Variants in L3MBTL4 observed in about 807,000 individuals in gnomAD.
The protein encoded by L3MBTL4 is L3MBTL histone methyl-lysine binding protein 4.
Under a neutral mutation model 84.5 loss-of-function variants are expected in L3MBTL4, and 70 were observed. The ratio of observed to expected loss-of-function variants is 0.83; its 90% CI spans 0.68 to 1.01. The LOEUF is 1.01. Ranked by LOEUF, L3MBTL4 falls within the 50% of genes least tolerant of loss-of-function variation. L3MBTL4 has a pLI of 0.00. For missense variants in L3MBTL4, 715 were observed against 754.8 expected, an observed-to-expected ratio of 0.95 and a Z score of 0.62; for synonymous variants, 274 against 259.8, an observed-to-expected ratio of 1.05 and a Z score of -0.52.
At chr18:6,041,390 C>G (rs1241280949) in intron 16 of L3MBTL4, among the ~76,000 whole-genome samples, 1 of 147,280 alleles carries the variant, frequency 6.8e-6, no homozygotes, top group Admixed American at 6.6e-5. Flanking sequence ...AATGGACTGG[C>G]CCCCCCTAAT....
Position 6,270,585 on chromosome 18 carries a change from A to T in L3MBTL4, c.128-6547T>A, listed in dbSNP as rs377265667. ...AGGAGGATTTACTCTGAACACAGAAAGCTCCCCGGAGGACAATTCTCTTTG... is the reference window on the plus strand; with the variant it reads ...AGGAGGATTTACTCTGAACACAGAATGCTCCCCGGAGGACAATTCTCTTTG... On this transcript the variant is annotated intron_variant, in intron 4 of 18. Transcript: ENST00000317931. Among the ~76,000 whole-genome samples, 3 of 152,220 alleles carry T rather than the reference A, an allele frequency of 2.0e-5. No homozygotes were observed. The East Asian group carries it at 5.8e-4, about 29-fold the overall frequency.
At chr18:5,984,338 T>G (rs1291268658) in intron 16 of L3MBTL4, among the ~76,000 whole-genome samples, 1 of 152,260 alleles carries the variant, frequency 6.6e-6, no homozygotes, top group Non-Finnish European at 1.5e-5. Context: ...TGAATCCCAT[T>G]ATTGAGCCAT....
At chr18:6,031,460 G>A in intron 16 of L3MBTL4, 1 of 985,426 alleles carries the variant, frequency 1.0e-6, no homozygotes, top group Non-Finnish European at 1.2e-6. Context: ...TTTGCCTCTT[G>A]AGAAATTCAG....
chr18:5,999,492 G>C (rs1275788810), intron 16 of L3MBTL4, among the ~76,000 whole-genome samples: 1 of 152,160 alleles, frequency 6.6e-6, no homozygotes, highest in African/African-American at 2.4e-5. Flanking sequence ...TCATAAAAAT[G>C]TGTTGAATGG....
intron 1 of L3MBTL4, among the ~76,000 whole-genome samples, chr18:6,335,406 G>C (rs936712879): frequency 6.6e-6 from 1 of 152,008 alleles, no homozygotes; most frequent in Non-Finnish European, 1.5e-5. Context: ...TGCTCTTTTA[G>C]AGATAAAAAT....
At chr18:6,030,772 G>A in intron 16 of L3MBTL4, 1 of 983,008 alleles carries the variant, frequency 1.0e-6, no homozygotes, top group Non-Finnish European at 1.2e-6. Flanking sequence ...AGATTTTTCT[G>A]GCTTGAAGTT....
At chr18:6,024,324 G>T (rs1035349305) in intron 16 of L3MBTL4, among the ~76,000 whole-genome samples, 1 of 152,206 alleles carries the variant, frequency 6.6e-6, no homozygotes, top group Non-Finnish European at 1.5e-5. Context: ...CACAACACAG[G>T]TGGTGGTCTC....
At chr18:6,338,859 T>C (rs2052470161) in intron 1 of L3MBTL4, among the ~76,000 whole-genome samples, 1 of 152,110 alleles carries the variant, frequency 6.6e-6, no homozygotes. Context: ...ACTATACTAA[T>C]ACCAGAAAAC....
rs150473109 is a variant in L3MBTL4, at chr18:6,282,847, C to T, written c.128-18809G>A. On this transcript the variant is annotated intron_variant, in intron 4 of 18. Coordinates refer to ENST00000317931, the MANE Select transcript of L3MBTL4 (RefSeq NM_001330559.2). ...TTGGACTCAAGTGGCACAGGGAAGA[C>T]GAAAATAAGTGGACAGATGAGAAAT... 1.5e-3 allele frequency among the ~76,000 whole-genome samples: 222 copies of T among 152,118 alleles called. 1 individual carries two copies. Among genetic ancestry groups the T allele is most frequent in the African/African-American group, 5.1e-3 (212 of 41,472 alleles).
At chr18:6,313,917 C>T (rs1308714628) in intron 1 of L3MBTL4, among the ~76,000 whole-genome samples, 2 of 151,882 alleles carry the variant, frequency 1.3e-5, no homozygotes, top group African/African-American at 4.8e-5. Flanking sequence ...AATAATAAAG[C>T]AAAAATATAA....
intron 1 of L3MBTL4, chr18:6,413,889 A>C (rs2056075637): frequency 6.6e-6 from 1 of 152,332 alleles, no homozygotes; most frequent in Non-Finnish European, 1.5e-5. Flanking sequence ...CTAAAGGCAT[A>C]TGTAAGATAA....
intron 16 of L3MBTL4, among the ~76,000 whole-genome samples, chr18:5,983,300 T>G (rs1222026379): frequency 5.3e-5 from 8 of 152,236 alleles, no homozygotes; most frequent in Non-Finnish European, 8.8e-5. Context: ...GAATAGCCAC[T>G]GTGGAAGTGC....
intron 14 of L3MBTL4, among the ~76,000 whole-genome samples, chr18:6,130,195 G>A (rs1282802976): frequency 6.6e-6 from 1 of 152,116 alleles, no homozygotes; most frequent in Non-Finnish European, 1.5e-5. Flanking sequence ...CGGTCAGTCT[G>A]GATGTCCAGT....
At chr18:6,373,405 G>A (rs1201998435) in intron 1 of L3MBTL4, among the ~76,000 whole-genome samples, 3 of 152,080 alleles carry the variant, frequency 2.0e-5, no homozygotes, top group Non-Finnish European at 4.4e-5. Context: ...GCATAAAAAC[G>A]CAGACCAACA....
At chr18:6,347,381 A>T (rs1477721375) in intron 1 of L3MBTL4, among the ~76,000 whole-genome samples, 1 of 152,010 alleles carries the variant, frequency 6.6e-6, no homozygotes, top group Non-Finnish European at 1.5e-5. Flanking sequence ...TAATTTAAAA[A>T]GAGAGTAAGA....
chr18:6,004,294 T>C (rs2054360965), intron 16 of L3MBTL4, among the ~76,000 whole-genome samples: 1 of 152,126 alleles, frequency 6.6e-6, no homozygotes, highest in South Asian at 2.1e-4. Context: ...GGACAAATTC[T>C]CAGAAACACA....
At chr18:6,148,835 A>C (rs2042763813) in intron 13 of L3MBTL4, among the ~76,000 whole-genome samples, 1 of 152,192 alleles carries the variant, frequency 6.6e-6, no homozygotes, top group Non-Finnish European at 1.5e-5. Context: ...CCCTTAACTA[A>C]CATTAGACTT....
chr18:6,051,497 C>T (rs1209576316), intron 16 of L3MBTL4, among the ~76,000 whole-genome samples: 3 of 152,004 alleles, frequency 2.0e-5, no homozygotes, highest in African/African-American at 7.3e-5. Flanking sequence ...TGAGATCATG[C>T]CATTGCATTC....
At chr18:6,235,280 G>A (rs911086049) in intron 10 of L3MBTL4, among the ~76,000 whole-genome samples, 5 of 151,990 alleles carry the variant, frequency 3.3e-5, no homozygotes, top group African/African-American at 7.2e-5. Flanking sequence ...TAACAAACCC[G>A]CACATTGTGC....
Sources: gnomAD v4.1 joint callset for allele counts (sites outside exome capture counted in the v4.1 genomes callset) on GRCh38, gnomAD v4.1.1 for gene constraint, MANE v1.5 for transcripts, NCBI Gene and HGNC (gene_info 2026-07-23, HGNC 2026-07-21) for gene names.